KIF13A: variants seen among roughly 807,000 people sequenced by gnomAD.
KIF13A encodes kinesin family member 13A, also known as kinesin-like protein KIF13A.
In KIF13A, 79 loss-of-function variants were observed where a neutral mutation model predicts 212.2. That is an observed-to-expected ratio of 0.37 (90% confidence interval 0.31 to 0.45). The LOEUF is 0.45. Among genes scored for constraint, KIF13A ranks in the 20% least tolerant of loss-of-function variants. KIF13A has a pLI of 1.00. For missense variants in KIF13A, 1,901 were observed against 2,209.0 expected (o/e 0.86, Z 2.79); for synonymous variants, 789 against 808.6 (o/e 0.98, Z 0.41).
chr6:17,938,680 A>G (rs1284274747), intron 2 of KIF13A, among the ~76,000 whole-genome samples: 1 of 152,186 alleles, frequency 6.6e-6, no homozygotes, highest in Non-Finnish European at 1.5e-5. Context: ...AGAATCTAGT[A>G]TTTCGTTTTC....
chr6:17,814,078 G>A (rs1339948958), intron 17 of KIF13A, among the ~76,000 whole-genome samples: 1 of 147,366 alleles, frequency 6.8e-6, no homozygotes, highest in Non-Finnish European at 1.5e-5. Context: ...TCAGTCCCCC[G>A]AGTAGCTGGG....
downstream of KIF13A, chr6:17,760,554 A>G: frequency 2.1e-6 from 1 of 479,664 alleles, no homozygotes. Flanking sequence ...AGGTTTCTAT[A>G]CAGTGGAGGT....
rs1772487364 is a variant in KIF13A at position 17,895,547 on chromosome 6, C to T, written c.159+2621G>A. On this transcript the variant is annotated intron_variant, in intron 3 of 38. Coordinates refer to ENST00000259711, the MANE Select transcript of KIF13A (RefSeq NM_022113.6). The surrounding 1 kb of genome is among the most constrained non-coding windows in gnomAD (Gnocchi z 4.4). Reference sequence around the variant, plus strand: ...TTTACCTCTGTTTCACCTTCATACCCTACCCCTGGCTGCATCTCAATCCAC... The same window carrying T: ...TTTACCTCTGTTTCACCTTCATACCTTACCCCTGGCTGCATCTCAATCCAC... 6.6e-6 allele frequency among the ~76,000 whole-genome samples: 1 copy of T among 152,180 alleles called. No individual in the cohort carries two copies. The highest frequency in any genetic ancestry group is 1.5e-5 in the Non-Finnish European group (1 of 68,026).
In KIF13A at chr6:17,836,928, C is replaced by T. The variant is rs1353286062; in HGVS notation, c.1105G>A (p.Glu369Lys). Residue 369 changes from glutamate to lysine, a missense_variant, in exon 11 of 39, where the codon GAA (glutamate) becomes AAA (lysine). Physicochemically the swap from Glu to Lys is moderately conservative, Grantham distance 56 (BLOSUM62 1). Coordinates refer to ENST00000259711, the MANE Select transcript of KIF13A (RefSeq NM_022113.6). ...NEDPNAKVIR[E>K]LREEVEKLRE... ...AGTTTCTCGACTTCCTCCCGCAGTT[C>T]TCGGATCACTTTTGCGTTGGGGTCC... 1.2e-6 allele frequency: 2 copies of T among 1,613,930 alleles called. No individual in the cohort carries two copies. Among genetic ancestry groups the T allele is most frequent in the South Asian group, 2.2e-5 (2 of 91,082 alleles).
chr6:17,966,029 A>C (rs1329210020), intron 2 of KIF13A, among the ~76,000 whole-genome samples: 3 of 152,188 alleles, frequency 2.0e-5, no homozygotes, highest in Non-Finnish European at 4.4e-5. Flanking sequence ...CCCCATCTCT[A>C]CTAAAAATAC....
chr6:17,785,384 G>T lies in KIF13A; in HGVS notation c.3488+131C>A. 2.0e-6 allele frequency: 2 copies of T among 1,025,582 alleles called. No individual in the cohort carries two copies. Among genetic ancestry groups the T allele is most frequent in the Non-Finnish European group, 2.7e-6 (2 of 739,436 alleles). 63.5% of individuals were successfully genotyped at this position (1,025,582 alleles called of 1,614,324 possible). ...AAAGGGATGGAAGCATTAGAGATGA[G>T]TGGACATTCCCTAAGTAGTTCAGCT... On this transcript the variant is annotated intron_variant, in intron 28 of 38. Coordinates refer to ENST00000259711, the MANE Select transcript of KIF13A (RefSeq NM_022113.6). The surrounding 1 kb of genome is among the most constrained non-coding windows in gnomAD (Gnocchi z 5.8).
intron 3 of KIF13A, among the ~76,000 whole-genome samples, chr6:17,889,242 T>G (rs1056814472): frequency 6.6e-6 from 1 of 152,236 alleles, no homozygotes; most frequent in Non-Finnish European, 1.5e-5. Flanking sequence ...TCTGTGTGCT[T>G]CTTCAAATGA....
At position 17,899,491 on chromosome 6, in the gene KIF13A, C is replaced by T. The variant is rs911948005; in HGVS notation, c.147-1311G>A. On this transcript the variant is annotated intron_variant, in intron 2 of 38. Transcript: ENST00000259711. The surrounding 1 kb of genome is among the most constrained non-coding windows in gnomAD (Gnocchi z 5.2). The stretch of plus-strand genomic sequence containing the variant: ...ACACTCCTTACAGAGCTCTGAGGGA[C>T]TCGAACAAAACTGAGAGCTCAGTAG... Among the ~76,000 whole-genome samples, 27 of 152,126 alleles carry T rather than the reference C, an allele frequency of 1.8e-4. No individual in the cohort carries two copies. Among genetic ancestry groups the T allele is most frequent in the African/African-American group, 5.3e-4 (22 of 41,442 alleles).
rs1581867568 is a variant in KIF13A, at chr6:17,961,660, T to C, written c.146+25394A>G. Among the ~76,000 whole-genome samples, 2 of 152,338 alleles carry C rather than the reference T, an allele frequency of 1.3e-5. No homozygotes were observed. Among genetic ancestry groups the C allele is most frequent in the South Asian group, 4.1e-4 (2 of 4,822 alleles). On this transcript the variant is annotated intron_variant, in intron 2 of 38. Transcript: ENST00000259711. The surrounding 1 kb of genome is among the most constrained non-coding windows in gnomAD (Gnocchi z 4.1). ...AGTAAATAGAATAGCTATGTTCTTT[T>C]TGAGCAACTAGCTTGTTTTCTTCTT...
chr6:17,814,492 C>A (rs1763745653), intron 17 of KIF13A, among the ~76,000 whole-genome samples: 1 of 152,076 alleles, frequency 6.6e-6, no homozygotes, highest in Non-Finnish European at 1.5e-5. Context: ...CATGATCCAC[C>A]CGCCTCGGCC....
chr6:17,876,148 C>T (rs1277947194), intron 3 of KIF13A, among the ~76,000 whole-genome samples: 1 of 152,176 alleles, frequency 6.6e-6, no homozygotes, highest in African/African-American at 2.4e-5. Context: ...TCAGCAGCTA[C>T]CTTCCTGGGC....
intron 2 of KIF13A, among the ~76,000 whole-genome samples, chr6:17,975,196 A>T (rs191206368): frequency 1.3e-4 from 19 of 151,734 alleles, no homozygotes; most frequent in African/African-American, 3.6e-4. Flanking sequence ...ATAAAAAAAT[A>T]AAAAAAAACT....
At chr6:17,894,393 C>T (rs1772369971) in intron 3 of KIF13A, among the ~76,000 whole-genome samples, 1 of 152,218 alleles carries the variant, frequency 6.6e-6, no homozygotes. Context: ...CCGGGGATCA[C>T]AGGCGTGAGT....
chr6:17,860,263 A>G (rs1013267959), intron 4 of KIF13A, among the ~76,000 whole-genome samples: 1 of 152,002 alleles, frequency 6.6e-6, no homozygotes, highest in African/African-American at 2.4e-5. Flanking sequence ...ATCTCAGCTC[A>G]CTGCAACCTC....
At position 17,859,327 on chromosome 6, in the gene KIF13A, G is replaced by A. The variant is rs558937483; in HGVS notation, c.221-3205C>T. Among the ~76,000 whole-genome samples the A allele has an allele frequency of 9.2e-4, 140 of 152,088 alleles. 2 individuals are homozygous for A. Among genetic ancestry groups the A allele is most frequent in the African/African-American group, 3.2e-3 (133 of 41,504 alleles). The stretch of plus-strand genomic sequence containing the variant: ...ATATAAAAATACAAGAGTAGGCCAA[G>A]CATGGTGGCTCACACCTGTAATCTC... On this transcript the variant is annotated intron_variant, in intron 4 of 38. Transcript: ENST00000259711.
At chr6:17,781,409 A>G (rs2150307905) in intron 29 of KIF13A, 108 bp from the exon 30 acceptor site, 8 of 1,200,094 alleles carry the variant, frequency 6.7e-6, no homozygotes, top group South Asian at 5.1e-5. Flanking sequence ...CACATAACAC[A>G]TTTTTCTTTT....
chr6:17,830,858 T>C (rs1339757986), intron 13 of KIF13A, among the ~76,000 whole-genome samples: 1 of 152,154 alleles, frequency 6.6e-6, no homozygotes, highest in Admixed American at 6.5e-5. Flanking sequence ...ACACCTACTG[T>C]TGCCCACTTA....
intron 2 of KIF13A, among the ~76,000 whole-genome samples, chr6:17,923,042 C>G (rs958805774): frequency 6.6e-6 from 1 of 151,970 alleles, no homozygotes; most frequent in Non-Finnish European, 1.5e-5. Context: ...GAGGCTGAGG[C>G]AGGTGGATCA....
intron 2 of KIF13A, among the ~76,000 whole-genome samples, chr6:17,952,228 C>T (rs976302123): frequency 3.3e-5 from 5 of 150,676 alleles, no homozygotes; most frequent in Admixed American, 6.6e-5. Flanking sequence ...GGCATGAACC[C>T]GGAAGGCAGA....
Sources: gnomAD v4.1 joint callset for allele counts (sites outside exome capture counted in the v4.1 genomes callset) on GRCh38, gnomAD v4.1.1 for gene constraint, Gnocchi (gnomAD v3.1) non-coding constraint, MANE v1.5 for transcripts, NCBI Gene and HGNC (gene_info 2026-07-23, HGNC 2026-07-21) for gene names.